Variants in RARB observed in about 807,000 individuals in gnomAD.
RARB encodes retinoic acid receptor beta, also known as HBV-activated protein.
In RARB, 17 loss-of-function variants were observed where a neutral mutation model predicts 51.9. That is an observed-to-expected ratio of 0.33 (90% confidence interval 0.22 to 0.49). The LOEUF (loss-of-function observed/expected upper bound fraction) is 0.49, where lower values mean the gene tolerates loss of function less well. RARB is among the 20% of genes least tolerant of loss of function. RARB has a pLI of 0.99. For synonymous variants in RARB, 215 were observed against 195.4 expected, an observed-to-expected ratio of 1.10 and a Z score of -0.84; for missense variants, 369 against 550.8, an observed-to-expected ratio of 0.67 and a Z score of 3.30.
chr3:24,944,916 T>C (rs11924421), intron 2 of RARB, among the ~76,000 whole-genome samples: 4,402 of 152,150 alleles, frequency 0.029, 163 homozygotes, highest in East Asian at 0.088. Flanking sequence ...TCAGTAACAT[T>C]AAGGGTTTGG....
intron 4 of RARB, among the ~76,000 whole-genome samples, chr3:25,575,202 A>G (rs1011119660): frequency 6.6e-6 from 1 of 152,140 alleles, no homozygotes. Flanking sequence ...TGAGAATGTA[A>G]TGCCGCCGCT....
At chr3:25,236,262 G>A (rs1366330562) in intron 5 of RARB, among the ~76,000 whole-genome samples, 1 of 152,118 alleles carries the variant, frequency 6.6e-6, no homozygotes, top group Non-Finnish European at 1.5e-5. Flanking sequence ...CAAAAACAAT[G>A]CATGTAGTGG....
At chr3:25,301,776 C>T (rs899251073) in intron 5 of RARB, among the ~76,000 whole-genome samples, 6 of 152,136 alleles carry the variant, frequency 3.9e-5, no homozygotes, top group African/African-American at 1.4e-4. Flanking sequence ...ATGGCTTCAG[C>T]CACAGTGGAA....
chr3:25,049,889 T>C (rs1173234398), intron 2 of RARB, among the ~76,000 whole-genome samples: 4 of 152,208 alleles, frequency 2.6e-5, no homozygotes, highest in Admixed American at 1.3e-4. Context: ...AAGCAAAATA[T>C]AGTTCTCTCA....
intron 5 of RARB, among the ~76,000 whole-genome samples, chr3:25,176,869 A>C (rs1303710949): frequency 6.6e-6 from 1 of 152,164 alleles, no homozygotes; most frequent in Non-Finnish European, 1.5e-5. Flanking sequence ...TGCAGTTGTC[A>C]TTTTCTAGAT....
At chr3:24,994,218 C>T (rs1158862414) in intron 2 of RARB, among the ~76,000 whole-genome samples, 1 of 151,910 alleles carries the variant, frequency 6.6e-6, no homozygotes, top group Non-Finnish European at 1.5e-5. Flanking sequence ...TGAGATGATA[C>T]CTCATTTTGG....
chr3:25,262,639 G>T (rs1021336378), intron 5 of RARB, among the ~76,000 whole-genome samples: 1 of 152,104 alleles, frequency 6.6e-6, no homozygotes, highest in Non-Finnish European at 1.5e-5. Flanking sequence ...ATATCAATCT[G>T]ATCTATTGTT....
intron 2 of RARB, among the ~76,000 whole-genome samples, chr3:24,997,091 C>A (rs1361966049): frequency 1.3e-5 from 2 of 152,168 alleles, no homozygotes; most frequent in African/African-American, 4.8e-5. Flanking sequence ...TGAGGTCTAT[C>A]TCTCACTTTA....
chr3:25,190,059 C>T (rs973107299), intron 5 of RARB, among the ~76,000 whole-genome samples: 1 of 151,990 alleles, frequency 6.6e-6, no homozygotes, highest in African/African-American at 2.4e-5. Context: ...ATTTATTCCT[C>T]AGTTTGGGTC....
chr3:25,264,981 A>G (rs1283198779), intron 5 of RARB, among the ~76,000 whole-genome samples: 1 of 152,226 alleles, frequency 6.6e-6, no homozygotes, highest in Non-Finnish European at 1.5e-5. Flanking sequence ...TGTCACACAG[A>G]TAAAGCTCTC....
intron 3 of RARB, among the ~76,000 whole-genome samples, chr3:25,535,999 A>G (rs1279204523): frequency 6.6e-6 from 1 of 152,222 alleles, no homozygotes; most frequent in Non-Finnish European, 1.5e-5. Flanking sequence ...TTCCAGATAC[A>G]GAGAAAGCTA....
intron 2 of RARB, among the ~76,000 whole-genome samples, chr3:24,876,144 A>T (rs1017826942): frequency 2.6e-5 from 4 of 152,164 alleles, no homozygotes; most frequent in Admixed American, 6.5e-5. Context: ...GATAACTTTC[A>T]TCACTTGTTT....
In RARB at chr3:24,919,158, G is replaced by A. The variant is rs77441116; in HGVS notation, c.-380+60406G>A. Among the ~76,000 whole-genome samples the A allele has an allele frequency of 4.1e-3, 627 of 152,268 alleles. 4 individuals carry two copies. The highest frequency in any genetic ancestry group is 0.014 in the African/African-American group (580 of 41,546). On this transcript the variant is annotated intron_variant, in intron 2 of 11. Transcript: ENST00000383772. ...ATTTAACACATTGAGAGCTTAATAA[G>A]TGTCAACTCCTACTACTATGATAAT...
At chr3:25,452,871 A>G (rs191611479) in intron 1 of RARB, among the ~76,000 whole-genome samples, 1 of 152,300 alleles carries the variant, frequency 6.6e-6, no homozygotes, top group Admixed American at 6.5e-5. Context: ...AGTAAATAGT[A>G]ATTACTATTA....
chr3:25,329,603 A>T (rs9852984), intron 5 of RARB, among the ~76,000 whole-genome samples: 29,679 of 152,104 alleles, frequency 0.2, 3,101 homozygotes, highest in African/African-American at 0.26. Flanking sequence ...GACTGCCTCT[A>T]CTCCTCCAAA....
At chr3:25,418,893 T>C (rs1375231376) in intron 5 of RARB, among the ~76,000 whole-genome samples, 1 of 148,666 alleles carries the variant, frequency 6.7e-6, no homozygotes, top group Non-Finnish European at 1.5e-5. Context: ...TATATTTCTT[T>C]CCCATCCCTA....
At chr3:25,369,139 C>G (rs573203192) in intron 5 of RARB, among the ~76,000 whole-genome samples, 1 of 152,206 alleles carries the variant, frequency 6.6e-6, no homozygotes, top group East Asian at 1.9e-4. Flanking sequence ...TAATAAACAT[C>G]TATGTGGTAA....
intron 5 of RARB, among the ~76,000 whole-genome samples, chr3:25,377,231 G>A (rs577526572): frequency 6.6e-6 from 1 of 152,118 alleles, no homozygotes; most frequent in Non-Finnish European, 1.5e-5. Flanking sequence ...GGTATTCCTG[G>A]ACTTTGTCTA....
chr3:25,528,266 T>C (rs931558826), intron 3 of RARB, among the ~76,000 whole-genome samples: 2 of 152,104 alleles, frequency 1.3e-5, no homozygotes, highest in African/African-American at 4.8e-5. Flanking sequence ...ATGGCCAGCA[T>C]TTGATTTAGC....
Sources: gnomAD v4.1 joint callset for allele counts (sites outside exome capture counted in the v4.1 genomes callset) on GRCh38, gnomAD v4.1.1 for gene constraint, MANE v1.5 for transcripts, NCBI Gene and HGNC (gene_info 2026-07-23, HGNC 2026-07-21) for gene names.